Variants in NEDD4 observed in about 807,000 individuals in gnomAD.
NEDD4 encodes the protein E3 ubiquitin-protein ligase NEDD4.
In NEDD4, 99 loss-of-function variants were observed where a neutral mutation model predicts 144.9. The observed-to-expected ratio is 0.68, with a 90% CI of 0.58 to 0.81. The LOEUF is 0.81. NEDD4 is among the 30% of genes least tolerant of loss of function. The pLI, the probability that NEDD4 is intolerant of heterozygous loss-of-function variation, is 0.00. For synonymous variants in NEDD4, 318 were observed against 350.6 expected, an observed-to-expected ratio of 0.91 and a Z score of 1.04; for missense variants, 985 against 1,065.9, an observed-to-expected ratio of 0.92 and a Z score of 1.06.
chr15:55,961,712 G>T (rs34605435), intron 2 of NEDD4, among the ~76,000 whole-genome samples: 14 of 151,820 alleles, frequency 9.2e-5, no homozygotes, highest in Non-Finnish European at 1.9e-4. Flanking sequence ...CTTGTGATCC[G>T]CCCGCCTCAG....
intron 4 of NEDD4, among the ~76,000 whole-genome samples, chr15:55,937,866 AAAG>A (rs752574813): frequency 9.9e-5 from 15 of 152,248 alleles, no homozygotes; most frequent in Non-Finnish European, 1.8e-4. Context: ...GCATCTTGAG[AAAG>A]AAGAACAAAG....
At position 55,859,693 on chromosome 15, in the gene NEDD4, A is replaced by AAAAC. The variant is rs202233875; in HGVS notation, c.960+710_960+713dup. On this transcript the variant is annotated intron_variant, in intron 11 of 28. Coordinates refer to ENST00000435532, the MANE Select transcript of NEDD4 (RefSeq NM_006154.4). ...TCTAGGTGACAGAGTGAGATGTCTC[A>AAAAC]AAACAAACAAACAAACAAGCAAACA... Among the ~76,000 whole-genome samples the AAAAC allele has an allele frequency of 3.5e-3, 531 of 152,266 alleles. 13 individuals carry two copies. Among genetic ancestry groups the AAAAC allele is most frequent in the Admixed American group, 0.03 (456 of 15,270 alleles).
At chr15:55,911,776 T>C (rs1385743908) in intron 5 of NEDD4, among the ~76,000 whole-genome samples, 2 of 151,916 alleles carry the variant, frequency 1.3e-5, no homozygotes, top group Non-Finnish European at 2.9e-5. Flanking sequence ...GATCCGCCCG[T>C]CTCGGCCTCC....
At chr15:55,858,595 C>G (rs750452795) in intron 11 of NEDD4, among the ~76,000 whole-genome samples, 5 of 152,178 alleles carry the variant, frequency 3.3e-5, no homozygotes, top group Non-Finnish European at 7.3e-5. Flanking sequence ...GCGTGAGCCA[C>G]CACGCCTGGC....
chr15:55,894,435 G>A (rs2035674316), intron 5 of NEDD4, among the ~76,000 whole-genome samples: 1 of 151,926 alleles, frequency 6.6e-6, no homozygotes. Context: ...GGTGTCTGTG[G>A]GGTCCTGGAA....
chr15:55,935,417 T>C (rs1374967944), intron 4 of NEDD4, among the ~76,000 whole-genome samples: 1 of 152,150 alleles, frequency 6.6e-6, no homozygotes, highest in African/African-American at 2.4e-5. Flanking sequence ...GGGCTGAATT[T>C]TGATTCCTCT....
At chr15:55,832,052 T>C (rs372762418) in intron 27 of NEDD4, among the ~76,000 whole-genome samples, 92 of 152,178 alleles carry the variant, frequency 6.0e-4, no homozygotes, top group African/African-American at 2.1e-3. Context: ...ATAGAATACA[T>C]AGAATCTTAC....
intron 1 of NEDD4, among the ~76,000 whole-genome samples, chr15:55,986,450 C>T (rs571748086): frequency 3.9e-5 from 6 of 152,048 alleles, no homozygotes; most frequent in Non-Finnish European, 5.9e-5. Flanking sequence ...GTGATGCATG[C>T]GAAGAACACA....
intron 2 of NEDD4, among the ~76,000 whole-genome samples, chr15:55,953,465 G>A (rs577480970): frequency 4.2e-4 from 62 of 146,638 alleles, no homozygotes; most frequent in African/African-American, 1.5e-3. Context: ...TTTTTGAGAT[G>A]AAGTCTCACT....
Position 55,957,633 on chromosome 15 carries a change from A to G in NEDD4, c.120-6044T>C, listed in dbSNP as rs2037358723. On this transcript the variant is annotated intron_variant, in intron 2 of 28. Coordinates refer to ENST00000435532, the MANE Select transcript of NEDD4 (RefSeq NM_006154.4). ...GATCCCATTACTGGGTATATACCCA[A>G]AGGATTATAAATCATGCTGCTATAA... 2.6e-5 allele frequency among the ~76,000 whole-genome samples: 4 copies of G among 152,234 alleles called. 1 individual carries two copies. Among genetic ancestry groups the G allele is most frequent in the Admixed American group, 1.3e-4 (2 of 15,284 alleles).
intron 4 of NEDD4, among the ~76,000 whole-genome samples, chr15:55,937,676 C>CA (rs1239592432): frequency 6.6e-6 from 1 of 152,066 alleles, no homozygotes; most frequent in Admixed American, 6.6e-5. Flanking sequence ...TCTTTCAAGA[C>CA]AAAAATAAAT....
intron 4 of NEDD4, among the ~76,000 whole-genome samples, chr15:55,945,808 T>A (rs1222193550): frequency 6.6e-6 from 1 of 150,898 alleles, no homozygotes; most frequent in African/African-American, 2.4e-5. Flanking sequence ...TAACAGCAAA[T>A]CTCTCAGCAG....
intron 14 of NEDD4, 107 bp from the exon 15 acceptor site, chr15:55,848,993 T>TCAAGAGTA: frequency 1.2e-6 from 1 of 848,784 alleles, no homozygotes. Context: ...AATATTCTCT[T>TCAAGAGTA]GTAAAAGTCA....
intron 1 of NEDD4, among the ~76,000 whole-genome samples, chr15:55,976,627 A>AT (rs1229977936): frequency 0.45 from 54,685 of 120,194 alleles, 11,212 homozygotes; most frequent in Middle Eastern, 0.57. Context: ...CTGGGCAAAA[A>AT]TTTTTTTTTT....
At chr15:55,848,140 T>C (rs2033825321) in intron 17 of NEDD4, among the ~76,000 whole-genome samples, 1 of 152,252 alleles carries the variant, frequency 6.6e-6, no homozygotes, top group African/African-American at 2.4e-5. Flanking sequence ...TGCCTTAGCA[T>C]TCTGACTGTC....
intron 5 of NEDD4, among the ~76,000 whole-genome samples, chr15:55,920,696 G>C (rs546963892): frequency 1.3e-5 from 2 of 152,236 alleles, no homozygotes; most frequent in South Asian, 4.1e-4. Context: ...CTAGGAAAAT[G>C]GTACATTTTA....
intron 4 of NEDD4, among the ~76,000 whole-genome samples, chr15:55,927,403 C>G (rs1457446655): frequency 6.6e-6 from 1 of 152,024 alleles, no homozygotes; most frequent in Non-Finnish European, 1.5e-5. Context: ...CAGGCTCAAG[C>G]AATCCTCCCA....
At chr15:55,834,382 C>G in intron 24 of NEDD4, 96 bp from the exon 25 acceptor site, 1 of 727,916 alleles carries the variant, frequency 1.4e-6, no homozygotes, top group Admixed American at 2.6e-5. Flanking sequence ...CCCACATCCA[C>G]ACAAGTTTCT....
intron 1 of NEDD4, among the ~76,000 whole-genome samples, chr15:55,986,457 C>T (rs1160053266): frequency 1.3e-5 from 2 of 151,908 alleles, no homozygotes; most frequent in African/African-American, 4.8e-5. Context: ...ATGCGAAGAA[C>T]ACAGCATCAT....
Sources: gnomAD v4.1 joint callset for allele counts (sites outside exome capture counted in the v4.1 genomes callset) on GRCh38, gnomAD v4.1.1 for gene constraint, MANE v1.5 for transcripts, NCBI Gene and HGNC (gene_info 2026-07-23, HGNC 2026-07-21) for gene names.